The following SPEF2 variants were observed in gnomAD, a reference collection of about 807,000 sequenced individuals.
SPEF2 encodes the protein sperm flagella and cilia-associated protein 2.
In SPEF2, 187 loss-of-function variants were observed where a neutral mutation model predicts 224.6. That is an observed-to-expected ratio of 0.83 (90% CI 0.74 to 0.94). The LOEUF (loss-of-function observed/expected upper bound fraction) is 0.94. Ranked by LOEUF, SPEF2 falls within the 40% of genes least tolerant of loss-of-function variation. The pLI is 0.00. For synonymous variants in SPEF2, 715 were observed against 707.3 expected (o/e 1.01, Z -0.17); for missense variants, 2,170 against 2,135.6 (o/e 1.02, Z -0.32).
rs546483193 is a variant in SPEF2 at position 35,636,880 on chromosome 5, G to A, written c.162-4551G>A. On this transcript the variant is annotated intron_variant, in intron 2 of 36. Coordinates refer to ENST00000356031, the MANE Select transcript of SPEF2 (RefSeq NM_024867.4). ...ATTCCCAGCTACTCAGGAGGCTGAG[G>A]CAGGAGAATCGCTTGAACCTGGGAG... is the stretch of plus-strand genomic sequence containing the variant. Among the ~76,000 whole-genome samples the A allele has an allele frequency of 2.6e-5, 4 of 151,750 alleles. No individual in the cohort carries two copies. In the South Asian group the frequency reaches 8.3e-4, roughly 32 times the overall value.
chr5:35,747,028 A>G (rs1748649076), intron 23 of SPEF2, among the ~76,000 whole-genome samples: 1 of 152,312 alleles, frequency 6.6e-6, no homozygotes, highest in Non-Finnish European at 1.5e-5. Context: ...AGCCTCCTCA[A>G]ACGAAACAAT....
intron 10 of SPEF2, among the ~76,000 whole-genome samples, chr5:35,671,841 T>C (rs1751253484): frequency 6.6e-6 from 1 of 151,944 alleles, no homozygotes. Flanking sequence ...GTACTTTATT[T>C]TGTGTATTGA....
intron 24 of SPEF2, among the ~76,000 whole-genome samples, chr5:35,758,664 CT>C (rs1315579605): frequency 1.3e-5 from 2 of 152,162 alleles, no homozygotes; most frequent in African/African-American, 2.4e-5. Context: ...TCTCTCTCTT[CT>C]CCACATATTG....
intron 2 of SPEF2, among the ~76,000 whole-genome samples, chr5:35,634,118 A>C (rs1029299432): frequency 6.6e-6 from 1 of 152,142 alleles, no homozygotes; most frequent in Non-Finnish European, 1.5e-5. Context: ...GATGTGCTTT[A>C]AAATTTATTC....
At chr5:35,745,067 A>G (rs940737388) in intron 23 of SPEF2, among the ~76,000 whole-genome samples, 12 of 152,212 alleles carry the variant, frequency 7.9e-5, no homozygotes, top group Non-Finnish European at 1.3e-4. Flanking sequence ...TAACTGATAT[A>G]TTCTAACTAA....
At position 35,654,007 on chromosome 5, in the gene SPEF2, C is replaced by T. The variant is rs149165476; in HGVS notation, c.792-533C>T. On this transcript the variant is annotated intron_variant, in intron 6 of 36. Transcript: ENST00000356031. ...GGGCACAGTGGCTCATGCCTGTAAT[C>T]CTCAGCACTTTGGAAGGCCAAGGTG... 9.1e-3 allele frequency among the ~76,000 whole-genome samples: 1,327 copies of T among 146,430 alleles called. 17 individuals are homozygous for T. The highest frequency in any genetic ancestry group is 0.033 in the African/African-American group (1,290 of 39,640).
chr5:35,643,279 G>A (rs1240963906), intron 3 of SPEF2, among the ~76,000 whole-genome samples: 1 of 152,104 alleles, frequency 6.6e-6, no homozygotes, highest in Non-Finnish European at 1.5e-5. Flanking sequence ...TCAAGCACTT[G>A]CACAACAAAT....
In SPEF2 at chr5:35,793,317, C is replaced by T; in HGVS notation, c.4713C>T (p.Thr1571=). ...CTGTGGATAAGGAGCAGTTGGGCAC[C>T]ATCACTTTTGAGCAGTATATGCAGG... ...FKAVDKEQLG[T]ITFEQYMQAG... Residue 1571 remains threonine, a synonymous_variant, in exon 32 of 37, where the codon ACC becomes ACT. Transcript: ENST00000356031. The T allele has an allele frequency of 6.2e-7, 1 of 1,613,806 alleles. No homozygotes were observed. The highest frequency in any genetic ancestry group is 1.3e-5 in the African/African-American group (1 of 74,996).
chr5:35,772,726 C>G (rs1462490504), intron 27 of SPEF2, among the ~76,000 whole-genome samples: 1 of 152,170 alleles, frequency 6.6e-6, no homozygotes, highest in Non-Finnish European at 1.5e-5. Flanking sequence ...AAGGGAAGTG[C>G]TTCTGTTGAC....
intron 8 of SPEF2, among the ~76,000 whole-genome samples, chr5:35,664,933 C>T (rs1225360280): frequency 6.6e-6 from 1 of 152,146 alleles, no homozygotes; most frequent in Non-Finnish European, 1.5e-5. Context: ...ATCTGCTAAT[C>T]TCTTCCTTTG....
At chr5:35,653,088 A>G (rs1748433859) in intron 6 of SPEF2, among the ~76,000 whole-genome samples, 1 of 152,232 alleles carries the variant, frequency 6.6e-6, no homozygotes, top group Non-Finnish European at 1.5e-5. Flanking sequence ...CTTTGTATAC[A>G]TAAAAATGTA....
At chr5:35,776,875 A>G (rs183804313) in intron 29 of SPEF2, among the ~76,000 whole-genome samples, 2 of 152,288 alleles carry the variant, frequency 1.3e-5, no homozygotes, top group East Asian at 3.9e-4. Flanking sequence ...AGTTCCAAAG[A>G]CTTCCCAGAC....
intron 21 of SPEF2, among the ~76,000 whole-genome samples, chr5:35,734,709 CTTTTTTTTTTT>C (rs869188623): frequency 6.4e-5 from 2 of 31,198 alleles, no homozygotes; most frequent in Non-Finnish European, 7.0e-5. Context: ...TCTTTTTTTT[CTTTTTTTTTTT>C]TTTTTTTTTT....
At chr5:35,810,578 A>G (rs1758476489) in intron 36 of SPEF2, among the ~76,000 whole-genome samples, 1 of 152,202 alleles carries the variant, frequency 6.6e-6, no homozygotes, top group Non-Finnish European at 1.5e-5. Flanking sequence ...GGAGCAGCAC[A>G]GTTCCTCTTT....
intron 30 of SPEF2, chr5:35,789,444 G>A (rs1755646906): frequency 2.9e-6 from 2 of 680,594 alleles, no homozygotes; most frequent in Non-Finnish European, 2.7e-6. Context: ...TCTGCCAGAT[G>A]TTTCTTCATT....
In SPEF2 at chr5:35,727,837, G is replaced by T. The variant is rs1366954166; in HGVS notation, c.3063+14G>T. On this transcript the variant is annotated intron_variant, in intron 21 of 36. Transcript: ENST00000356031. The stretch of plus-strand genomic sequence containing the variant: ...CCAGTTCCTGAGGTATGGCCATTTA[G>T]AATCAAGCTGGCAGAATTCATTCTT... The T allele has an allele frequency of 1.2e-6, 2 of 1,604,798 alleles. No individual in the cohort carries two copies. Among genetic ancestry groups the T allele is most frequent in the South Asian group, 1.1e-5 (1 of 88,786 alleles).
At chr5:35,811,099 A>AAAT (rs1554063127) in intron 36 of SPEF2, among the ~76,000 whole-genome samples, 16 of 151,274 alleles carry the variant, frequency 1.1e-4, no homozygotes, top group African/African-American at 3.9e-4. Flanking sequence ...CTAAAAAAAA[A>AAAT]AATAATAAAT....
At chr5:35,761,022 A>T (rs1751218376) in intron 25 of SPEF2, among the ~76,000 whole-genome samples, 1 of 152,130 alleles carries the variant, frequency 6.6e-6, no homozygotes, top group Non-Finnish European at 1.5e-5. Context: ...AGTCAAGTTT[A>T]AAAAAATAAT....
chr5:35,651,148 A>G (rs996509145), intron 6 of SPEF2, among the ~76,000 whole-genome samples: 3 of 152,244 alleles, frequency 2.0e-5, no homozygotes, highest in Non-Finnish European at 2.9e-5. Context: ...GAAGTCCCAT[A>G]TAACATTTCT....
Sources: allele counts gnomAD v4.1 joint callset (sites outside exome capture counted in the v4.1 genomes callset), GRCh38; gene constraint gnomAD v4.1.1; transcripts MANE v1.5; gene names NCBI Gene and HGNC (gene_info 2026-07-23, HGNC 2026-07-21).